Variants in CPA5 observed in about 807,000 individuals in gnomAD.
CPA5 encodes testicular tissue protein Li 32.
Under a neutral mutation model 52.2 loss-of-function variants are expected in CPA5, and 38 were observed. That is an observed-to-expected ratio of 0.73 (90% CI 0.56 to 0.95). The LOEUF (loss-of-function observed/expected upper bound fraction) is 0.95. Ranked by LOEUF, CPA5 falls within the 40% of genes least tolerant of loss-of-function variation. The pLI, the probability that CPA5 is intolerant of heterozygous loss-of-function variation, is 0.00. For synonymous variants in CPA5, 198 were observed against 213.7 expected (o/e 0.93, Z 0.64); for missense variants, 519 against 566.7 (o/e 0.92, Z 0.86).
chr7:130,371,411 G>A (rs1475798745), downstream of CPA5, among the ~76,000 whole-genome samples: 1 of 152,174 alleles, frequency 6.6e-6, no homozygotes, highest in Non-Finnish European at 1.5e-5. Flanking sequence ...CCTGCAGGCT[G>A]GTAGCTCATC....
intron 5 of CPA5, 90 bp from the exon 6 acceptor site, chr7:130,359,499 T>TTATGCA: frequency 1.2e-6 from 1 of 863,330 alleles, no homozygotes; most frequent in East Asian, 2.7e-5. Context: ...GCTGCTGTCT[T>TTATGCA]TATGCACAGC....
At chr7:130,365,752 G>C (rs1312494603) in intron 10 of CPA5, among the ~76,000 whole-genome samples, 2 of 152,258 alleles carry the variant, frequency 1.3e-5, no homozygotes, top group African/African-American at 4.8e-5. Context: ...CCTGGTCGTT[G>C]GCAGGGGAAC....
the CPA5 span, among the ~76,000 whole-genome samples, chr7:130,373,930 G>T: frequency 6.6e-6 from 1 of 152,244 alleles, no homozygotes; most frequent in African/African-American, 2.4e-5. Flanking sequence ...CCAAGTACGT[G>T]GGGTAGGAGA....
At chr7:130,351,415 G>T (rs1188307015) in intron 5 of CPA5, among the ~76,000 whole-genome samples, 1 of 147,032 alleles carries the variant, frequency 6.8e-6, no homozygotes, top group Non-Finnish European at 1.5e-5. Flanking sequence ...CATCAGGGAC[G>T]GCCCCAGAGT....
downstream of CPA5, among the ~76,000 whole-genome samples, chr7:130,371,571 C>T (rs1225215231): frequency 6.6e-6 from 1 of 150,422 alleles, no homozygotes; most frequent in Non-Finnish European, 1.5e-5. Context: ...AGATGGAGGT[C>T]TTCTTTTTTT....
chr7:130,368,407 T>C lies in CPA5; in HGVS notation c.1124-3T>C, dbSNP rs782006215. The C allele has an allele frequency of 1.2e-5, 20 of 1,613,524 alleles. No individual in the cohort carries two copies. Among genetic ancestry groups the C allele is most frequent in the South Asian group, 5.5e-5 (5 of 91,052 alleles). On this transcript the variant is annotated splice_polypyrimidine_tract_variant and splice_region_variant and intron_variant, in intron 12 of 12. Coordinates refer to ENST00000474905, the MANE Select transcript of CPA5 (RefSeq NM_080385.5). ...GGGCACATTTTGGAACTTTTGTTTCTAGATGTGGCCAGTGGGATCACCGTC... is the reference window on the plus strand; with the variant it reads ...GGGCACATTTTGGAACTTTTGTTTCCAGATGTGGCCAGTGGGATCACCGTC...
Position 130,368,589 on chromosome 7 carries a change from C to T in CPA5, c.1303C>T (p.Pro435Ser), listed in dbSNP as rs1359557265. ...CATCATGGAGCACACCCTGAATCACCCCTACTAGCAGCACGACTGAGGGCA... is the reference window on the plus strand; with the variant it reads ...CATCATGGAGCACACCCTGAATCACTCCTACTAGCAGCACGACTGAGGGCA... ...RTIMEHTLNH[P>S]Y is the part of the protein sequence containing the mutation. Residue 435 changes from proline (P) to serine (S), a missense_variant, in exon 13 of 13, where the codon CCC becomes TCC. Transcript: ENST00000474905. 10 of 1,614,022 alleles carry T rather than the reference C, an allele frequency of 6.2e-6. No homozygotes were observed. Among genetic ancestry groups the T allele is most frequent in the Non-Finnish European group, 8.5e-6 (10 of 1,180,000 alleles).
chr7:130,352,030 C>T (rs782048204), intron 5 of CPA5, among the ~76,000 whole-genome samples: 38 of 152,258 alleles, frequency 2.5e-4, no homozygotes, highest in Non-Finnish European at 3.4e-4. Context: ...CCTGCTGCTT[C>T]GTTGAGGCTT....
intron 5 of CPA5, among the ~76,000 whole-genome samples, chr7:130,354,026 C>T (rs1236206669): frequency 2.7e-5 from 4 of 150,250 alleles, no homozygotes; most frequent in Non-Finnish European, 5.9e-5. Flanking sequence ...AGGCTCACTC[C>T]ATCCTCTCGC....
intron 8 of CPA5, 83 bp from the exon 9 acceptor site, chr7:130,362,801 C>G: frequency 1.2e-6 from 1 of 837,992 alleles, no homozygotes; most frequent in South Asian, 1.5e-5. Context: ...TCCCTTCCTG[C>G]AGCCACTGGC....
At position 130,361,262 on chromosome 7, in the gene CPA5, C is replaced by T. The variant is rs1554406607; in HGVS notation, c.534+18C>T. ...TCCTGAAGGTAAAAGCCCACAATGT[C>T]AACCTGTAGACTCTACCTTGAGGGC... On this transcript the variant is annotated intron_variant, in intron 7 of 12. Coordinates refer to ENST00000474905, the MANE Select transcript of CPA5 (RefSeq NM_080385.5). 5.2e-6 allele frequency: 8 copies of T among 1,532,306 alleles called. No individual in the cohort carries two copies. In the South Asian group the frequency reaches 9.0e-5, roughly 17 times the overall value. 94.9% of individuals were successfully genotyped at this position (1,532,306 alleles called of 1,614,324 possible).
intron 12 of CPA5, among the ~76,000 whole-genome samples, 190 bp from the exon 13 acceptor site, chr7:130,368,220 G>A (rs1188572715): frequency 1.3e-5 from 2 of 152,216 alleles, no homozygotes; most frequent in African/African-American, 4.8e-5. Flanking sequence ...CTTTCTTTTT[G>A]CAGGAGTAGA....
chr7:130,354,744 G>T (rs1795376313), intron 5 of CPA5, among the ~76,000 whole-genome samples: 1 of 151,800 alleles, frequency 6.6e-6, no homozygotes, highest in Non-Finnish European at 1.5e-5. Flanking sequence ...TTTAAGATGG[G>T]GTTTTGTTAT....
intron 5 of CPA5, among the ~76,000 whole-genome samples, chr7:130,352,839 G>GTTT (rs1323770844): frequency 2.6e-4 from 38 of 147,080 alleles, no homozygotes; most frequent in Admixed American, 6.8e-4. Context: ...CAGCCCTTTG[G>GTTT]TTTTTTTTTT....
chr7:130,352,387 A>G (rs1321888121), intron 5 of CPA5, among the ~76,000 whole-genome samples: 1 of 152,134 alleles, frequency 6.6e-6, no homozygotes, highest in Non-Finnish European at 1.5e-5. Flanking sequence ...ATCGGTGGTT[A>G]CAATGGAGTG....
chr7:130,356,680 A>G (rs2117374265), intron 5 of CPA5, among the ~76,000 whole-genome samples: 1 of 152,328 alleles, frequency 6.6e-6, no homozygotes, highest in South Asian at 2.1e-4. Context: ...TTTGCCTCCA[A>G]GCTCTTGTGT....
At chr7:130,361,998 T>C (rs1363993222) in intron 7 of CPA5, among the ~76,000 whole-genome samples, 4 of 152,154 alleles carry the variant, frequency 2.6e-5, no homozygotes, top group African/African-American at 9.7e-5. Context: ...CTCTCTCTAA[T>C]GTTGTCTGAA....
At chr7:130,355,096 G>C (rs554231977) in intron 5 of CPA5, among the ~76,000 whole-genome samples, 1 of 152,142 alleles carries the variant, frequency 6.6e-6, no homozygotes, top group African/African-American at 2.4e-5. Context: ...AGGCCCCTCT[G>C]TTGGGCCCCA....
At chr7:130,361,544 G>A (rs531936569) in intron 7 of CPA5, among the ~76,000 whole-genome samples, 39 of 152,254 alleles carry the variant, frequency 2.6e-4, no homozygotes, top group Admixed American at 2.5e-3. Context: ...GTGAGTGTGG[G>A]TGAGCTGGCG....
Sources: gnomAD v4.1 joint callset for allele counts (sites outside exome capture counted in the v4.1 genomes callset) on GRCh38, gnomAD v4.1.1 for gene constraint, MANE v1.5 for transcripts, NCBI Gene and HGNC (gene_info 2026-07-23, HGNC 2026-07-21) for gene names.